The following PPEF1 variants were observed in gnomAD, a reference collection of about 807,000 sequenced individuals.
PPEF1 encodes the protein serine/threonine-protein phosphatase with EF-hands 1.
PPEF1 carries 12 observed loss-of-function variants against 53.3 expected under a neutral mutation model. That is an observed-to-expected ratio of 0.23 (90% CI 0.14 to 0.36). PPEF1 has a LOEUF of 0.36. PPEF1 is among the 10% of genes least tolerant of loss of function. The pLI, the probability that PPEF1 is intolerant of heterozygous loss-of-function variation, is 1.00. For synonymous variants in PPEF1, 165 were observed against 176.7 expected (o/e 0.93, Z 0.52); for missense variants, 334 against 490.4 (o/e 0.68, Z 3.01).
At chrX:18,730,501 C>T (rs1223370774) in intron 2 of PPEF1, among the ~76,000 whole-genome samples, 193 bp downstream of exon 2, 4 of 111,062 alleles carry the variant, frequency 3.6e-5, no homozygotes, top group African/African-American at 9.8e-5. Context: ...GGTGTTTTTC[C>T]GTTTTGAAGT....
At chrX:18,789,802 A>G (rs965980008) in intron 10 of PPEF1, among the ~76,000 whole-genome samples, 1 of 112,420 alleles carries the variant, frequency 8.9e-6, no homozygotes, top group African/African-American at 3.2e-5. Flanking sequence ...ATAATATTCC[A>G]TTATATGGAT....
upstream of PPEF1, among the ~76,000 whole-genome samples, chrX:18,703,919 AC>A (rs1360703090): frequency 1.1e-5 from 1 of 89,891 alleles, no homozygotes; most frequent in Non-Finnish European, 2.3e-5. Flanking sequence ...TAAAAAACAT[AC>A]CTTTTTTTTT....
intron 5 of PPEF1, among the ~76,000 whole-genome samples, chrX:18,698,409 T>G (rs764299711): frequency 3.6e-5 from 4 of 111,504 alleles, no homozygotes; most frequent in South Asian, 3.7e-4. Context: ...AAATCATGAG[T>G]TTTTTTTCCC....
chrX:18,690,166 G>A (rs768767915), intron 3 of PPEF1, among the ~76,000 whole-genome samples: 4 of 111,152 alleles, frequency 3.6e-5, no homozygotes, highest in Non-Finnish European at 7.5e-5. Context: ...GTGTAGAACA[G>A]TACCCGGCAC....
chrX:18,797,298 TGTA>T (rs2046450816), intron 10 of PPEF1, among the ~76,000 whole-genome samples: 1 of 112,016 alleles, frequency 8.9e-6, no homozygotes, highest in African/African-American at 3.2e-5. Flanking sequence ...TATTTTGTCT[TGTA>T]GTCATGGAAA....
At chrX:18,691,267 G>A (rs4269672) in intron 4 of PPEF1, among the ~76,000 whole-genome samples, 6,368 of 111,590 alleles carry the variant, frequency 0.057, 451 homozygotes, top group African/African-American at 0.19. Flanking sequence ...ATATGTATAG[G>A]GTGAAACTGG....
chrX:18,800,978 T>A (rs985160005), intron 10 of PPEF1, among the ~76,000 whole-genome samples: 1 of 112,244 alleles, frequency 8.9e-6, no homozygotes, highest in East Asian at 2.8e-4. Flanking sequence ...GATTTCCATC[T>A]TTCCTCCATC....
At chrX:18,785,577 C>G (rs1045321063) in intron 9 of PPEF1, among the ~76,000 whole-genome samples, 9 of 109,655 alleles carry the variant, frequency 8.2e-5, no homozygotes, top group African/African-American at 3.0e-4. Flanking sequence ...TCCTTTTACT[C>G]TAAAAAAAAA....
At chrX:18,690,042 T>G (rs931683641) in intron 3 of PPEF1, among the ~76,000 whole-genome samples, 6 of 111,291 alleles carry the variant, frequency 5.4e-5, no homozygotes, top group African/African-American at 2.0e-4. Context: ...TGAATACTTG[T>G]CCTTTGCAAT....
At chrX:18,676,454 C>T (rs1326342813) in intron 1 of PPEF1, among the ~76,000 whole-genome samples, 1 of 109,092 alleles carries the variant, frequency 9.2e-6, no homozygotes, top group Non-Finnish European at 1.9e-5. Flanking sequence ...AGCTCCCTGT[C>T]ATATTCATCA....
chrX:18,702,083 A>T (rs1305458171), intron 6 of PPEF1, among the ~76,000 whole-genome samples: 2 of 111,945 alleles, frequency 1.8e-5, no homozygotes, highest in African/African-American at 6.5e-5. Flanking sequence ...AAAGGTAGTG[A>T]TGGAAGGGAA....
intron 3 of PPEF1, among the ~76,000 whole-genome samples, chrX:18,744,584 A>G (rs935837335): frequency 9.0e-6 from 1 of 111,538 alleles, no homozygotes; most frequent in Non-Finnish European, 1.9e-5. Flanking sequence ...AGTGTGTGGA[A>G]GTGTTGTTTT....
At position 18,806,531 on chromosome X, in the gene PPEF1, G is replaced by A. The variant is rs751024113; in HGVS notation, c.1380G>A (p.Gln460=). ...AAGTAACTAAAGCAACGTGCTTTCA[G>A]CCTCTTCGCCAAAGGTGTGTATACT... is the stretch of plus-strand genomic sequence containing the variant. The part of the protein sequence containing the change: ...QYQVTKATCF[Q]PLRQRVDTME... Residue 460 remains glutamine (Q), a synonymous_variant, in exon 12 of 16, where the codon CAG becomes CAA. Coordinates refer to ENST00000470157, the MANE Select transcript of PPEF1 (RefSeq NM_001377996.1). 2.5e-6 allele frequency: 3 copies of A among 1,206,499 alleles called. No individual in the cohort carries two copies. The African/African-American group carries it at 5.3e-5, about 21-fold the overall frequency.
intron 10 of PPEF1, among the ~76,000 whole-genome samples, chrX:18,792,920 G>A: frequency 9.0e-6 from 1 of 111,104 alleles, no homozygotes; most frequent in Non-Finnish European, 1.9e-5. Flanking sequence ...TGCAGAGTTT[G>A]AAGTAAAGTT....
chrX:18,739,188 T>C (rs1239669520), intron 3 of PPEF1, among the ~76,000 whole-genome samples: 1 of 112,818 alleles, frequency 8.9e-6, no homozygotes, highest in Non-Finnish European at 1.9e-5. Context: ...GGAGCTGCGT[T>C]CCTTTGGAGG....
intron 1 of PPEF1, among the ~76,000 whole-genome samples, chrX:18,718,242 G>T (rs772392115): frequency 1.8e-5 from 2 of 111,652 alleles, no homozygotes; most frequent in Non-Finnish European, 3.8e-5. Context: ...TCTGATAGGG[G>T]CTATTTAGAT....
intron 6 of PPEF1, among the ~76,000 whole-genome samples, chrX:18,766,017 A>G (rs1002884613): frequency 9.5e-6 from 1 of 104,931 alleles, no homozygotes; most frequent in Non-Finnish European, 1.9e-5. Context: ...ATGAGCCAAG[A>G]TCGCACCATT....
Position 18,773,129 on chromosome X carries a change from A to G in PPEF1, c.559-5881A>G, listed in dbSNP as rs764595676. 3.6e-5 allele frequency among the ~76,000 whole-genome samples: 4 copies of G among 112,552 alleles called. No homozygotes were observed. The East Asian group carries it at 1.1e-3, about 31-fold the overall frequency. On this transcript the variant is annotated intron_variant, in intron 6 of 15. Transcript: ENST00000470157. Reference sequence around the variant, plus strand: ...GCTTCACCTTGTAAACAGAGTGCCAAAGAATTTATGGACATTATTTTAAAG... The same window carrying G: ...GCTTCACCTTGTAAACAGAGTGCCAGAGAATTTATGGACATTATTTTAAAG...
intron 12 of PPEF1, among the ~76,000 whole-genome samples, chrX:18,814,580 G>A (rs1228951574): frequency 1.8e-5 from 2 of 111,655 alleles, no homozygotes; most frequent in Admixed American, 1.9e-4. Flanking sequence ...GATTTGCATT[G>A]CTCTGAGGTT....
Sources: gnomAD v4.1 joint callset for allele counts (sites outside exome capture counted in the v4.1 genomes callset) on GRCh38, gnomAD v4.1.1 for gene constraint, MANE v1.5 for transcripts, NCBI Gene and HGNC (gene_info 2026-07-23, HGNC 2026-07-21) for gene names.